Variants in USP36 observed in about 807,000 individuals in gnomAD.
The protein encoded by USP36 is ubiquitin carboxyl-terminal hydrolase 36.
A neutral mutation model predicts 111.5 loss-of-function variants in USP36; 59 were observed. The ratio of observed to expected loss-of-function variants is 0.53; its 90% CI spans 0.43 to 0.66. The LOEUF (loss-of-function observed/expected upper bound fraction) is 0.66, where lower values mean the gene tolerates loss of function less well. Among genes scored for constraint, USP36 ranks in the 30% least tolerant of loss-of-function variants. USP36 has a pLI of 0.00. For synonymous variants in USP36, 628 were observed against 581.0 expected, an observed-to-expected ratio of 1.08 and a Z score of -1.16; for missense variants, 1,488 against 1,468.0, an observed-to-expected ratio of 1.01 and a Z score of -0.22.
chr17:78,808,081 A>G (rs1162233808), intron 13 of USP36, among the ~76,000 whole-genome samples: 4 of 152,376 alleles, frequency 2.6e-5, no homozygotes, highest in South Asian at 4.1e-4. Flanking sequence ...AAAAAAGTAT[A>G]AAGGAAGAAA....
intron 10 of USP36, among the ~76,000 whole-genome samples, chr17:78,817,530 G>A (rs189676345): frequency 3.3e-5 from 5 of 152,052 alleles, no homozygotes; most frequent in East Asian, 1.9e-4. Context: ...TGAGGCAGGC[G>A]GATCACCTGA....
In USP36 at chr17:78,801,016, A is replaced by C. The variant is rs867586768; in HGVS notation, c.3023-1248T>G. The stretch of plus-strand genomic sequence containing the variant: ...TTTTGAGACGGAGTCTCACTCTGTC[A>C]CCCAGGCTGGAGTGCAGTGGCGCAA... On this transcript the variant is annotated intron_variant, in intron 17 of 20. Coordinates refer to ENST00000449938, the MANE Select transcript of USP36 (RefSeq NM_001385174.1). 5.0e-3 allele frequency among the ~76,000 whole-genome samples: 610 copies of C among 122,070 alleles called. 5 individuals carry two copies. The highest frequency in any genetic ancestry group is 0.018 in the African/African-American group (570 of 31,226). The allele number at this position is 122,070 out of a possible 152,430, so 80.1% of individuals were successfully genotyped here. A position where few individuals can be genotyped will look rare whatever the true frequency, so the allele number is the denominator to read the frequency against.
At chr17:78,788,700 G>C (rs1282052925) in intron 3 of USP36, among the ~76,000 whole-genome samples, 1 of 152,016 alleles carries the variant, frequency 6.6e-6, no homozygotes. Context: ...GGAGGGACTC[G>C]GGTCCATGGG....
In USP36 at chr17:78,818,688, G is replaced by C. The variant is rs759134548; in HGVS notation, c.1002C>G (p.Phe334Leu). 12 of 1,613,856 alleles carry C rather than the reference G, an allele frequency of 7.4e-6. No homozygotes were observed. The highest frequency in any genetic ancestry group is 1.0e-5 in the Non-Finnish European group (12 of 1,179,864). The change falls in exon 10 of 21, where the codon TTC becomes TTG. Residue 334 changes from phenylalanine to leucine, a missense_variant. Physicochemically the swap from Phe to Leu is conservative, Grantham distance 22 (BLOSUM62 0). Transcript: ENST00000449938. ...LTLSLKRFANFSGGKITKDVG... is the reference protein window; with the variant it reads ...LTLSLKRFANLSGGKITKDVG... ...TCACCTTGGTGATCTTCCCCCCGCT[G>C]AAGTTGGCAAAGCGCTTGAGGGAAA...
intron 15 of USP36, among the ~76,000 whole-genome samples, chr17:78,804,901 G>A (rs1279198597): frequency 1.3e-5 from 2 of 152,178 alleles, no homozygotes; most frequent in Non-Finnish European, 2.9e-5. Flanking sequence ...GTCTCAGGGT[G>A]TTCCCGGGCA....
chr17:78,824,897 A>G (rs2067397375), intron 6 of USP36, among the ~76,000 whole-genome samples: 1 of 152,232 alleles, frequency 6.6e-6, no homozygotes, highest in Non-Finnish European at 1.5e-5. Context: ...CAGAATTCAG[A>G]ACAAAAGCCA....
chr17:78,839,458 A>T (rs1325857203), intron 1 of USP36, among the ~76,000 whole-genome samples: 1 of 152,232 alleles, frequency 6.6e-6, no homozygotes, highest in African/African-American at 2.4e-5. Flanking sequence ...GAAGACATCC[A>T]GTCGTATTAA....
chr17:78,823,803 C>A (rs760476610), intron 6 of USP36, among the ~76,000 whole-genome samples: 5 of 152,120 alleles, frequency 3.3e-5, no homozygotes, highest in Non-Finnish European at 5.9e-5. Context: ...GACTATCGAC[C>A]CTTCTGCTGC....
rs531064917 is a variant in USP36 at position 78,818,845 on chromosome 17, C to T, written c.912-67G>A. ...CGTGCTCTGAAAAATGTTGTCTTAA[C>T]GCTAAGTTAATAACAGCAACAACTG... On this transcript the variant is annotated intron_variant, in intron 9 of 20. Coordinates refer to ENST00000449938, the MANE Select transcript of USP36 (RefSeq NM_001385174.1). 2.3e-4 allele frequency: 357 copies of T among 1,547,116 alleles called. 4 individuals are homozygous for T. The East Asian group carries it at 7.7e-3, about 33-fold the overall frequency.
At chr17:78,824,775 C>T (rs2067384706) in intron 6 of USP36, among the ~76,000 whole-genome samples, 1 of 152,102 alleles carries the variant, frequency 6.6e-6, no homozygotes, top group Non-Finnish European at 1.5e-5. Context: ...TTTTGGCTTA[C>T]AAAACAAGAC....
intron 15 of USP36, 51 bp from the exon 16 acceptor site, chr17:78,804,029 G>A: frequency 7.2e-7 from 1 of 1,379,532 alleles, no homozygotes; most frequent in Non-Finnish European, 9.9e-7. Flanking sequence ...AGACCCAGCA[G>A]AGCTGTTCCT....
rs538949913 is a variant in USP36 at position 78,813,716 on chromosome 17, G to C, written c.1265+57C>G. 32 of 1,506,058 alleles carry C rather than the reference G, an allele frequency of 2.1e-5. No individual in the cohort carries two copies. In the South Asian group the frequency reaches 3.5e-4, roughly 16 times the overall value. The allele number at this position is 1,506,058 out of a possible 1,614,324, so 93.3% of individuals were successfully genotyped here. ...CAAAAAAAGGTTAGGGAGGCCCACCGGTATAAGAAAAGAGCAGAGGGAGTG... is the reference window on the plus strand; with the variant it reads ...CAAAAAAAGGTTAGGGAGGCCCACCCGTATAAGAAAAGAGCAGAGGGAGTG... On this transcript the variant is annotated intron_variant, in intron 12 of 20. Transcript: ENST00000449938.
In USP36 at chr17:78,802,474, TTTTC is replaced by T; in HGVS notation, c.2868_2871del (p.Lys957ArgfsTer12). Reference sequence around the variant, plus strand: ...TGTGTCTCCTGCTTTCTTTTTTTCTTTTTCTTTTTCCTTGGAGACTCTTCCATGG... The same window carrying T: ...TGTGTCTCCTGCTTTCTTTTTTTCTTTTTTTCCTTGGAGACTCTTCCATGG... On this transcript the variant is annotated frameshift_variant, in exon 17 of 21. Transcript: ENST00000449938. LOFTEE classifies it high-confidence loss of function. 1 of 1,605,422 alleles carries T rather than the reference TTTTC, an allele frequency of 6.2e-7. No individual in the cohort carries two copies. The highest frequency in any genetic ancestry group is 1.7e-5 in the Admixed American group (1 of 59,812).
Position 78,798,085 on chromosome 17 carries a change from T to A in USP36, c.*21-206A>T. ...CACACACACCCCACACATGCCCTTC[T>A]CCAAGTGACCAGAACACATGCCACA... On this transcript the variant is annotated intron_variant, in intron 20 of 20. Transcript: ENST00000449938. The surrounding 1 kb of genome is among the most constrained non-coding windows in gnomAD (Gnocchi z 5.1). The A allele has an allele frequency of 9.7e-6, 3 of 310,628 alleles. No individual in the cohort carries two copies. Among genetic ancestry groups the A allele is most frequent in the East Asian group, 5.5e-5 (1 of 18,112 alleles). 19.2% of individuals were successfully genotyped at this position (310,628 alleles called of 1,614,324 possible). A position where few individuals can be genotyped will look rare whatever the true frequency, so the allele number is the denominator to read the frequency against.
chr17:78,807,029 T>C lies in USP36; in HGVS notation c.2015A>G (p.Asn672Ser), dbSNP rs1238907301. The C allele has an allele frequency of 1.9e-6, 3 of 1,614,182 alleles. No homozygotes were observed. The Admixed American group carries it at 5.0e-5, about 27-fold the overall frequency. The change falls in exon 14 of 21, where the codon AAC becomes AGC. Residue 672 changes from asparagine to serine, a missense_variant. Around this residue, in one of 3 missense-constraint regions of USP36, gnomAD observed 1,073 missense variants for 994.1 expected, o/e 1.08. Transcript: ENST00000449938. ...TVKLKSPVLS[N>S]TTTEPASTMS... ...GGTGCTTGCAGGCTCAGTGGTGGTG[T>C]TGCTCAGGACAGGGGACTTCAGCTT...
intron 10 of USP36, among the ~76,000 whole-genome samples, chr17:78,817,467 G>C (rs1448379256): frequency 6.6e-6 from 1 of 152,134 alleles, no homozygotes; most frequent in Non-Finnish European, 1.5e-5. Flanking sequence ...ATGAGATACA[G>C]ACATCTACTG....
At chr17:78,802,123 C>T (rs1366917485) in intron 17 of USP36, among the ~76,000 whole-genome samples, 4 of 149,690 alleles carry the variant, frequency 2.7e-5, no homozygotes, top group Non-Finnish European at 4.5e-5. Context: ...CACACCCACG[C>T]GGTCCCCCAA....
Position 78,807,247 on chromosome 17 carries a change from G to A in USP36, c.1797C>T (p.Asn599=), listed in dbSNP as rs146706684. 2.3e-5 allele frequency: 37 copies of A among 1,613,968 alleles called. No homozygotes were observed. Among genetic ancestry groups the A allele is most frequent in the South Asian group, 4.4e-5 (4 of 91,080 alleles). ...ATANGHGLKG[N]DESAGLDRRG... ...TCCTGTCGAGGCCAGCGCTCTCGTC[G>A]TTCCCCTTCAGCCCATGCCCGTTGG... Residue 599 remains asparagine (N), a synonymous_variant, in exon 14 of 21, where the codon AAC becomes AAT. Transcript: ENST00000449938.
chr17:78,818,794 T>C lies in USP36; in HGVS notation c.912-16A>G, dbSNP rs1427572046. The C allele has an allele frequency of 6.2e-7, 1 of 1,612,816 alleles. No homozygotes were observed. The highest frequency in any genetic ancestry group is 2.2e-5 in the East Asian group (1 of 44,852). ...CTTCTTGCATCTATGAAGAAGGTGA[T>C]GAGAAAGATTAATGAATGATTGATT... On this transcript the variant is annotated splice_polypyrimidine_tract_variant and intron_variant, in intron 9 of 20. Transcript: ENST00000449938.
Sources: allele counts gnomAD v4.1 joint callset (sites outside exome capture counted in the v4.1 genomes callset), GRCh38; gene constraint gnomAD v4.1.1; regional missense constraint gnomAD v4.1.1; non-coding constraint Gnocchi (gnomAD v3.1); transcripts MANE v1.5; gene names NCBI Gene and HGNC (gene_info 2026-07-23, HGNC 2026-07-21).